The following SORCS2 variants were observed in gnomAD, a reference collection of about 807,000 sequenced individuals.
SORCS2 encodes sortilin related VPS10 domain containing receptor 2.
A neutral mutation model predicts 141.6 loss-of-function variants in SORCS2; 100 were observed. That is an observed-to-expected ratio of 0.71 (90% CI 0.60 to 0.83). SORCS2 has a LOEUF of 0.83. SORCS2 is among the 40% of genes least tolerant of loss of function. SORCS2 has a pLI of 0.00. For missense variants in SORCS2, 1,646 were observed against 1,560.2 expected, an observed-to-expected ratio of 1.05 and a Z score of -0.93; for synonymous variants, 789 against 676.9, an observed-to-expected ratio of 1.17 and a Z score of -2.57.
chr4:7,414,912 C>T (rs1296885548), intron 2 of SORCS2, among the ~76,000 whole-genome samples: 1 of 152,130 alleles, frequency 6.6e-6, no homozygotes, highest in East Asian at 1.9e-4. Flanking sequence ...CCCAGGCCAA[C>T]TCCTCACAAA....
intron 1 of SORCS2, among the ~76,000 whole-genome samples, chr4:7,298,578 G>A (rs192307405): frequency 2.6e-5 from 4 of 152,300 alleles, no homozygotes; most frequent in East Asian, 1.9e-4. Context: ...AGCCACTGGC[G>A]GCTGTGAAGG....
rs186686490 is a variant in SORCS2 at position 7,484,647 on chromosome 4, G to A, written c.549-46883G>A. 3.1e-4 allele frequency among the ~76,000 whole-genome samples: 47 copies of A among 152,258 alleles called. 1 individual carries two copies. The East Asian group carries it at 3.7e-3, about 12-fold the overall frequency. The stretch of plus-strand genomic sequence containing the variant: ...ATTCCTCTCCTTTCTAACCTCCTCC[G>A]TTCTGATCCCAGTTTAAAAGCTAAA... On this transcript the variant is annotated intron_variant, in intron 2 of 26. Transcript: ENST00000507866.
intron 20 of SORCS2, 112 bp downstream of exon 20, chr4:7,725,399 C>T: frequency 2.1e-6 from 3 of 1,405,704 alleles, no homozygotes; most frequent in Non-Finnish European, 2.8e-6. Flanking sequence ...GTGTAGGGTG[C>T]ACTCCTCACC....
At chr4:7,589,141 A>G (rs1317105261) in intron 3 of SORCS2, among the ~76,000 whole-genome samples, 2 of 152,334 alleles carry the variant, frequency 1.3e-5, no homozygotes, top group East Asian at 1.9e-4. Context: ...TCTCAAATGC[A>G]GTGCCAAGAG....
chr4:7,448,561 C>T (rs920260744), intron 2 of SORCS2, among the ~76,000 whole-genome samples: 2 of 131,004 alleles, frequency 1.5e-5, no homozygotes, highest in East Asian at 5.1e-4. Flanking sequence ...CCTTTCTCTA[C>T]CCTCCCTTGC....
chr4:7,587,612 C>G (rs895781971), intron 3 of SORCS2, among the ~76,000 whole-genome samples: 15 of 152,208 alleles, frequency 9.9e-5, no homozygotes, highest in African/African-American at 3.6e-4. Flanking sequence ...GACCAGGCCA[C>G]CTGGAGTCGC....
chr4:7,319,773 A>G (rs1481459214), intron 1 of SORCS2, among the ~76,000 whole-genome samples: 1 of 152,226 alleles, frequency 6.6e-6, no homozygotes, highest in East Asian at 1.9e-4. Context: ...CTTTAAAAAT[A>G]TAGAAGTTTT....
chr4:7,652,919 G>GCT (rs1023603226), intron 4 of SORCS2, among the ~76,000 whole-genome samples: 28 of 152,158 alleles, frequency 1.8e-4, no homozygotes, highest in African/African-American at 6.0e-4. Context: ...TTTCTTCTGC[G>GCT]CTCTCTCTCT....
At chr4:7,637,532 G>A (rs368046237) in intron 3 of SORCS2, among the ~76,000 whole-genome samples, 5 of 152,358 alleles carry the variant, frequency 3.3e-5, no homozygotes, top group African/African-American at 4.8e-5. Flanking sequence ...CTGAGTTTAC[G>A]GTGGAGCCTC....
At chr4:7,304,173 C>G (rs1717631882) in intron 1 of SORCS2, among the ~76,000 whole-genome samples, 2 of 152,264 alleles carry the variant, frequency 1.3e-5, no homozygotes, top group South Asian at 4.1e-4. Context: ...AACCCTGAGT[C>G]TTCGCTCTTT....
intron 4 of SORCS2, among the ~76,000 whole-genome samples, chr4:7,642,160 G>A (rs566789310): frequency 3.9e-4 from 60 of 152,346 alleles, no homozygotes; most frequent in African/African-American, 1.4e-3. Flanking sequence ...CATGGCTCTC[G>A]ACAGGACCTG....
At chr4:7,218,164 A>T (rs1728486355) in intron 1 of SORCS2, among the ~76,000 whole-genome samples, 1 of 152,164 alleles carries the variant, frequency 6.6e-6, no homozygotes, top group South Asian at 2.1e-4. Flanking sequence ...ACTTGGCCCG[A>T]GTAGAAGGTC....
intron 1 of SORCS2, among the ~76,000 whole-genome samples, chr4:7,371,612 A>G (rs551377884): frequency 2.0e-5 from 3 of 152,294 alleles, no homozygotes; most frequent in African/African-American, 7.2e-5. Flanking sequence ...ACACTGTGAC[A>G]TGCCGGCATC....
chr4:7,600,564 C>G (rs947302023), intron 3 of SORCS2, among the ~76,000 whole-genome samples: 3 of 151,974 alleles, frequency 2.0e-5, no homozygotes, highest in Non-Finnish European at 4.4e-5. Flanking sequence ...CACCTGTGCT[C>G]CTCTGGGGAA....
intron 10 of SORCS2, among the ~76,000 whole-genome samples, chr4:7,689,104 G>C (rs1346918440): frequency 6.6e-6 from 1 of 152,128 alleles, no homozygotes; most frequent in Admixed American, 6.5e-5. Context: ...CGGCACTTGG[G>C]CTCTTGACCG....
At chr4:7,354,472 C>A (rs1721131276) in intron 1 of SORCS2, among the ~76,000 whole-genome samples, 1 of 152,088 alleles carries the variant, frequency 6.6e-6, no homozygotes, top group Non-Finnish European at 1.5e-5. Flanking sequence ...CAGGGGTAAG[C>A]ATCAGCGTAG....
intron 2 of SORCS2, among the ~76,000 whole-genome samples, chr4:7,397,427 C>A (rs565908594): frequency 6.6e-6 from 1 of 151,876 alleles, no homozygotes; most frequent in African/African-American, 2.4e-5. Context: ...AGTCCTCAGC[C>A]GCTCCCAGCA....
chr4:7,316,216 A>G (rs1461671516), intron 1 of SORCS2, among the ~76,000 whole-genome samples: 1 of 149,878 alleles, frequency 6.7e-6, no homozygotes, highest in Non-Finnish European at 1.5e-5. Flanking sequence ...CTTTCCTTCC[A>G]TCCATCCATC....
intron 3 of SORCS2, among the ~76,000 whole-genome samples, chr4:7,601,834 T>C (rs1363056273): frequency 1.3e-5 from 2 of 152,168 alleles, no homozygotes; most frequent in African/African-American, 4.8e-5. Flanking sequence ...GCAGTGTTTG[T>C]GTCCCTGAGT....
Sources: allele counts gnomAD v4.1 joint callset (sites outside exome capture counted in the v4.1 genomes callset), GRCh38; gene constraint gnomAD v4.1.1; transcripts MANE v1.5; gene names NCBI Gene and HGNC (gene_info 2026-07-23, HGNC 2026-07-21).